The following VWA3B variants were observed in gnomAD, a reference collection of about 807,000 sequenced individuals.
VWA3B encodes the protein von Willebrand factor A domain-containing protein 3B.
VWA3B carries 138 observed loss-of-function variants against 158.3 expected under a neutral mutation model. That is an observed-to-expected ratio of 0.87 (90% CI 0.76 to 1.00). VWA3B has a LOEUF of 1.00. Ranked by LOEUF, VWA3B falls within the 50% of genes least tolerant of loss-of-function variation. The pLI, the probability that VWA3B is intolerant of heterozygous loss-of-function variation, is 0.00. For synonymous variants in VWA3B, 596 were observed against 587.3 expected (o/e 1.01, Z -0.21); for missense variants, 1,555 against 1,565.1 (o/e 0.99, Z 0.11).
At chr2:98,274,838 G>C (rs977117322) in intron 22 of VWA3B, among the ~76,000 whole-genome samples, 2 of 152,186 alleles carry the variant, frequency 1.3e-5, no homozygotes, top group Non-Finnish European at 2.9e-5. Flanking sequence ...AGGAACACTG[G>C]GGAGAGAACA....
chr2:98,292,081 TAAAAAAAAAA>T (rs772141517), intron 23 of VWA3B: 1 of 86,120 alleles, frequency 1.2e-5, no homozygotes, highest in African/African-American at 4.6e-5. Flanking sequence ...TCATCTCTAC[TAAAAAAAAAA>T]AAAAAAAAAA....
chr2:98,224,042 A>G (rs989251922), intron 14 of VWA3B, among the ~76,000 whole-genome samples: 1 of 152,244 alleles, frequency 6.6e-6, no homozygotes, highest in African/African-American at 2.4e-5. Context: ...TCACAAAACT[A>G]TCCTTCAAGG....
At chr2:98,197,484 G>T (rs1457642478) in intron 12 of VWA3B, among the ~76,000 whole-genome samples, 1 of 152,114 alleles carries the variant, frequency 6.6e-6, no homozygotes, top group Non-Finnish European at 1.5e-5. Context: ...AGCCCTCAAT[G>T]TGGATCATCC....
chr2:98,253,929 G>A (rs1020273424), intron 20 of VWA3B, among the ~76,000 whole-genome samples: 1 of 152,116 alleles, frequency 6.6e-6, no homozygotes, highest in African/African-American at 2.4e-5. Flanking sequence ...GCTTTCCTGC[G>A]GTGGCCTCCC....
intron 8 of VWA3B, among the ~76,000 whole-genome samples, chr2:98,170,871 C>T (rs2105294473): frequency 6.6e-6 from 1 of 152,312 alleles, no homozygotes; most frequent in Admixed American, 6.5e-5. Context: ...TCCCAAAGTG[C>T]TGGGATTACA....
chr2:98,197,261 C>G (rs1325851382), intron 12 of VWA3B, among the ~76,000 whole-genome samples: 4 of 152,186 alleles, frequency 2.6e-5, no homozygotes, highest in African/African-American at 9.6e-5. Flanking sequence ...GGAGGGAATA[C>G]TCTTCCCAGT....
At chr2:98,232,776 C>T (rs1685424133) in intron 16 of VWA3B, among the ~76,000 whole-genome samples, 1 of 151,970 alleles carries the variant, frequency 6.6e-6, no homozygotes, top group Admixed American at 6.6e-5. Flanking sequence ...TATTTTGGTG[C>T]TTGTTTTTAT....
At position 98,270,793 on chromosome 2, in the gene VWA3B, T is replaced by C; in HGVS notation, c.2955T>C (p.Ser985=). 6.2e-7 allele frequency: 1 copy of C among 1,614,076 alleles called. No homozygotes were observed. Among genetic ancestry groups the C allele is most frequent in the Non-Finnish European group, 8.5e-7 (1 of 1,179,970 alleles). ...TGAAAGAGCTGTCGATGCTGGAAAG[T>C]GAAATCCTAGCTGGGAAAATGTACA... ...ISLKELSMLE[S]EILAGKMYIQ... is the part of the protein sequence containing the mutation. The change falls in exon 22 of 28, where the codon AGT becomes AGC. Residue 985 remains serine, a synonymous_variant. Transcript: ENST00000477737.
chr2:98,234,168 A>G (rs1685518873), intron 16 of VWA3B, among the ~76,000 whole-genome samples: 1 of 152,242 alleles, frequency 6.6e-6, no homozygotes, highest in African/African-American at 2.4e-5. Flanking sequence ...AGACAGAGTT[A>G]TCTAGGTGAG....
At chr2:98,180,962 T>C in intron 8 of VWA3B, 54 bp from the exon 9 acceptor site, 1 of 1,547,162 alleles carries the variant, frequency 6.5e-7, no homozygotes, top group Non-Finnish European at 8.8e-7. Context: ...AAGTTGGGGG[T>C]GTAATATGAA....
intron 7 of VWA3B, among the ~76,000 whole-genome samples, chr2:98,157,809 AGGGGATG>A (rs1678217613): frequency 1.5e-5 from 2 of 132,702 alleles, no homozygotes; most frequent in South Asian, 5.5e-4. Context: ...AGTAGGACCG[AGGGGATG>A]GTCTGGGACT....
intron 14 of VWA3B, among the ~76,000 whole-genome samples, chr2:98,221,384 C>T (rs1558691821): frequency 6.6e-6 from 1 of 152,144 alleles, no homozygotes; most frequent in East Asian, 1.9e-4. Flanking sequence ...CAATATCTGT[C>T]CTGCTCCAGT....
At chr2:98,202,137 G>A (rs980569902) in intron 12 of VWA3B, among the ~76,000 whole-genome samples, 2 of 151,874 alleles carry the variant, frequency 1.3e-5, no homozygotes, top group East Asian at 1.9e-4. Flanking sequence ...AAACCATCTG[G>A]GCCTCTTTTT....
At chr2:98,188,194 C>T in intron 10 of VWA3B, 65 bp downstream of exon 10, 1 of 1,546,808 alleles carries the variant, frequency 6.5e-7, no homozygotes, top group Non-Finnish European at 8.7e-7. Flanking sequence ...TCTGCTTGAT[C>T]TTTTTTCCTC....
chr2:98,208,173 A>G (rs770990706), intron 12 of VWA3B, among the ~76,000 whole-genome samples: 55 of 152,004 alleles, frequency 3.6e-4, no homozygotes, highest in Non-Finnish European at 7.2e-4. Context: ...ATATTAATAT[A>G]CTTATTTTTG....
At chr2:98,134,384 A>C (rs1239910778) in intron 7 of VWA3B, among the ~76,000 whole-genome samples, 1 of 152,188 alleles carries the variant, frequency 6.6e-6, no homozygotes, top group Non-Finnish European at 1.5e-5. Flanking sequence ...CGGAGGCCGC[A>C]CAGGAACCTT....
intron 8 of VWA3B, among the ~76,000 whole-genome samples, chr2:98,174,935 G>C (rs1208631738): frequency 6.6e-6 from 1 of 152,226 alleles, no homozygotes; most frequent in Non-Finnish European, 1.5e-5. Flanking sequence ...TGACCACTGA[G>C]TTAACTGAGC....
At chr2:98,103,474 A>G (rs1188871970) in intron 2 of VWA3B, among the ~76,000 whole-genome samples, 1 of 152,148 alleles carries the variant, frequency 6.6e-6, no homozygotes, top group African/African-American at 2.4e-5. Flanking sequence ...ACAAATCTCA[A>G]TCAGTAGTGT....
chr2:98,195,097 C>A (rs993213038), intron 12 of VWA3B, among the ~76,000 whole-genome samples: 1 of 152,114 alleles, frequency 6.6e-6, no homozygotes, highest in African/African-American at 2.4e-5. Context: ...TATAGCATTG[C>A]GAACTTCCAA....
Sources: allele counts gnomAD v4.1 joint callset (sites outside exome capture counted in the v4.1 genomes callset), GRCh38; gene constraint gnomAD v4.1.1; transcripts MANE v1.5; gene names NCBI Gene and HGNC (gene_info 2026-07-23, HGNC 2026-07-21).